The following MRPL36 variants were observed in gnomAD, a reference collection of about 807,000 sequenced individuals.
The protein encoded by MRPL36 is large ribosomal subunit protein bL36m.
In MRPL36, 1 loss-of-function variant was observed where a neutral mutation model predicts 2.8. That is an observed-to-expected ratio of 0.36 (90% CI 0.13 to 1.69). The LOEUF is 1.69. MRPL36 is among the 40% of genes most tolerant of loss of function. The pLI, the probability that MRPL36 is intolerant of heterozygous loss-of-function variation, is 0.35. For synonymous variants in MRPL36, 68 were observed against 54.8 expected (o/e 1.24, Z -1.06); for missense variants, 148 against 132.7 (o/e 1.12, Z -0.57).
chr5:1,798,552 C>G lies in MRPL36; in HGVS notation c.*72G>C, dbSNP rs944118019. The G allele has an allele frequency of 3.8e-5, 55 of 1,463,742 alleles. No homozygotes were observed. Among genetic ancestry groups the G allele is most frequent in the Non-Finnish European group, 4.7e-5 (50 of 1,073,890 alleles). 90.7% of individuals were successfully genotyped at this position (1,463,742 alleles called of 1,614,324 possible). A position where few individuals can be genotyped will look rare whatever the true frequency, so the allele number is the denominator to read the frequency against. ...CCCTGACTCCTTGATGTGATAATTC[C>G]TTCCATAAGATACAACCATTCTCCC... On this transcript the variant is annotated 3_prime_UTR_variant, in exon 2 of 2. Coordinates refer to ENST00000505059, the MANE Select transcript of MRPL36 (RefSeq NM_032479.4).
rs569167334 is a variant in MRPL36, at chr5:1,798,391, G to A, written c.*233C>T. The A allele has an allele frequency of 2.2e-6, 1 of 450,830 alleles. No individual in the cohort carries two copies. The highest frequency in any genetic ancestry group is 2.8e-5 in the South Asian group (1 of 35,832). The allele number at this position is 450,830 out of a possible 1,614,324, so 27.9% of individuals were successfully genotyped here. A position where few individuals can be genotyped will look rare whatever the true frequency, so the allele number is the denominator to read the frequency against. On this transcript the variant is annotated 3_prime_UTR_variant, in exon 2 of 2. Coordinates refer to ENST00000505059, the MANE Select transcript of MRPL36 (RefSeq NM_032479.4). ...GAGAATGAATGAACTAAGCTATTCG[G>A]AAGGTCTATTTTAATAGGAAAATGT...
At chr5:1,801,428 C>T (rs773943416), upstream of MRPL36, 1 of 1,605,048 alleles carries the variant, frequency 6.2e-7, no homozygotes, top group Non-Finnish European at 8.5e-7. Flanking sequence ...ATGGCGGCGG[C>T]GATGACCTTC....
upstream of MRPL36, chr5:1,801,233 G>A (rs1734027076): frequency 1.2e-6 from 1 of 844,350 alleles, no homozygotes; most frequent in Non-Finnish European, 1.8e-6. Flanking sequence ...TTTTTAGCGA[G>A]ATACCTGGGA....
Position 1,798,756 on chromosome 5 carries a change from C to A in MRPL36, c.180G>T (p.Leu60=). 6.2e-7 allele frequency: 1 copy of A among 1,614,058 alleles called. No homozygotes were observed. The highest frequency in any genetic ancestry group is 8.5e-7 in the Non-Finnish European group (1 of 1,179,986). ...SLLSPGLLPH[L]LPALGFKNKT... is the part of the protein sequence containing the mutation. Reference sequence around the variant, plus strand: ...TGTTTTTGAACCCCAGCGCAGGCAGCAGATGGGGCAGGAGGCCGGGTGAGA... The same window carrying A: ...TGTTTTTGAACCCCAGCGCAGGCAGAAGATGGGGCAGGAGGCCGGGTGAGA... The change falls in exon 2 of 2, where the codon CTG becomes CTT. Residue 60 remains leucine (L), a synonymous_variant. Transcript: ENST00000505059.
At chr5:1,799,022 G>C (rs1733939450) in intron 1 of MRPL36, 75 bp from the exon 2 acceptor site, 3 of 1,245,092 alleles carry the variant, frequency 2.4e-6, no homozygotes, top group Non-Finnish European at 3.4e-6. Context: ...CCTTTTCTCT[G>C]TTTCACTGAG....
At chr5:1,799,493 C>T (rs1258792796) in intron 1 of MRPL36, 1 of 152,264 alleles carries the variant, frequency 6.6e-6, no homozygotes, top group Non-Finnish European at 1.5e-5. Flanking sequence ...GCCCGGAGGA[C>T]ACTGCGGCAC....
rs775956445 is a variant in MRPL36, at chr5:1,798,766, A to T, written c.170T>A (p.Leu57Gln). 4 of 1,614,050 alleles carry T rather than the reference A, an allele frequency of 2.5e-6. No homozygotes were observed. The East Asian group carries it at 8.9e-5, about 36-fold the overall frequency. The change falls in exon 2 of 2, where the codon CTG (leucine) becomes CAG (glutamine). Residue 57 changes from leucine (L) to glutamine (Q), a missense_variant. Coordinates refer to ENST00000505059, the MANE Select transcript of MRPL36 (RefSeq NM_032479.4). Reference protein sequence around the residue: ...AVRSLLSPGLLPHLLPALGFK... With the variant: ...AVRSLLSPGLQPHLLPALGFK... ...CCCCAGCGCAGGCAGCAGATGGGGCAGGAGGCCGGGTGAGAGAAGTGAGCG... is the reference window on the plus strand; with the variant it reads ...CCCCAGCGCAGGCAGCAGATGGGGCTGGAGGCCGGGTGAGAGAAGTGAGCG...
At chr5:1,799,196 G>T in intron 1 of MRPL36, 1 of 423,064 alleles carries the variant, frequency 2.4e-6, no homozygotes, top group South Asian at 4.0e-5. Flanking sequence ...GTAGGTGAGT[G>T]TGCAAAGCCC....
upstream of MRPL36, among the ~76,000 whole-genome samples, chr5:1,800,123 G>A (rs1461932810): frequency 6.6e-6 from 1 of 152,226 alleles, no homozygotes; most frequent in Non-Finnish European, 1.5e-5. Flanking sequence ...AAATACCAAT[G>A]TCAAAACAAA....
rs143165730 is a variant in MRPL36, at chr5:1,798,888, G to A, written c.48C>T (p.Leu16=). 106 of 1,609,892 alleles carry A rather than the reference G, an allele frequency of 6.6e-5. No individual in the cohort carries two copies. The African/African-American group carries it at 1.3e-3, about 19-fold the overall frequency. The change falls in exon 2 of 2, where the codon CTC becomes CTT. Residue 16 remains leucine (L), a synonymous_variant. Transcript: ENST00000505059. The part of the protein sequence containing the change: ...IRKMVNPLLY[L]SRHTVKPRAL... ...CTCGAGGCTTCACCGTGTGACGACT[G>A]AGATAGAGCAGAGGGTTCACCATTT...
In MRPL36 at chr5:1,798,701, A is replaced by G; in HGVS notation, c.235T>C (p.Cys79Arg). ...CGACCCCGCCTCTTCACCAGGTAACAGTCCTTGCAGCGCTTCTTAAGGACA... is the reference window on the plus strand; with the variant it reads ...CGACCCCGCCTCTTCACCAGGTAACGGTCCTTGCAGCGCTTCTTAAGGACA... Reference protein sequence around the residue: ...KTVLKKRCKDCYLVKRRGRWY... With the variant: ...KTVLKKRCKDRYLVKRRGRWY... The change falls in exon 2 of 2, where the codon TGT becomes CGT. Residue 79 changes from cysteine to arginine, a missense_variant. Cys to Arg is a radical substitution (Grantham distance 180, BLOSUM62 -3). Transcript: ENST00000505059. 5 of 1,613,890 alleles carry G rather than the reference A, an allele frequency of 3.1e-6. No homozygotes were observed. The highest frequency in any genetic ancestry group is 4.2e-6 in the Non-Finnish European group (5 of 1,179,844).
intron 1 of MRPL36, 59 bp from the exon 2 acceptor site, chr5:1,799,006 AG>A: frequency 2.2e-6 from 3 of 1,363,648 alleles, no homozygotes; most frequent in Non-Finnish European, 3.0e-6. Flanking sequence ...CTGCTCTTTA[AG>A]GCTTCCTTTT....
At chr5:1,800,918 A>G (rs1264347696), upstream of MRPL36, among the ~76,000 whole-genome samples, 2 of 152,230 alleles carry the variant, frequency 1.3e-5, no homozygotes, top group Non-Finnish European at 2.9e-5. Flanking sequence ...TCGTCTGCTA[A>G]GCAGTTGACT....
Position 1,798,800 on chromosome 5 carries a change from C to T in MRPL36, c.136G>A (p.Ala46Thr), listed in dbSNP as rs376405745. 1.2e-5 allele frequency: 19 copies of T among 1,614,118 alleles called. No individual in the cohort carries two copies. The East Asian group carries it at 2.2e-4, about 19-fold the overall frequency. The change falls in exon 2 of 2, where the codon GCA (alanine) becomes ACA (threonine). Residue 46 changes from alanine (A) to threonine (T), a missense_variant. Ala to Thr is a moderately conservative substitution (Grantham distance 58). Transcript: ENST00000505059. ...GAAPVAVEPGAAVRSLLSPGL... is the reference protein window; with the variant it reads ...GAAPVAVEPGTAVRSLLSPGL... The stretch of plus-strand genomic sequence containing the variant: ...GGTGAGAGAAGTGAGCGCACTGCTG[C>T]CCCGGGTTCCACAGCCACGGGGGCT...
At chr5:1,801,352 A>G (rs550707352), upstream of MRPL36, 6 of 1,569,880 alleles carry the variant, frequency 3.8e-6, no homozygotes, top group South Asian at 2.3e-5. Flanking sequence ...TGGCGCCGCC[A>G]GAAGCCGTGC....
chr5:1,798,749 C>T lies in MRPL36; in HGVS notation c.187G>A (p.Ala63Thr). ...ACAGTCTTGTTTTTGAACCCCAGCG[C>T]AGGCAGCAGATGGGGCAGGAGGCCG... ...SPGLLPHLLP[A>T]LGFKNKTVLK... The change falls in exon 2 of 2, where the codon GCG (alanine) becomes ACG (threonine). Residue 63 changes from alanine (A) to threonine (T), a missense_variant. By Grantham distance (58) the Ala-to-Thr change is moderately conservative. Coordinates refer to ENST00000505059, the MANE Select transcript of MRPL36 (RefSeq NM_032479.4). The T allele has an allele frequency of 1.2e-6, 2 of 1,613,990 alleles. No homozygotes were observed. The highest frequency in any genetic ancestry group is 1.1e-5 in the South Asian group (1 of 91,072).
chr5:1,798,782 G>C lies in MRPL36; in HGVS notation c.154C>G (p.Leu52Val). The C allele has an allele frequency of 2.5e-6, 4 of 1,614,086 alleles. No homozygotes were observed. The highest frequency in any genetic ancestry group is 3.4e-6 in the Non-Finnish European group (4 of 1,180,002). The part of the protein sequence containing the change: ...VEPGAAVRSL[L>V]SPGLLPHLLP... ...AGATGGGGCAGGAGGCCGGGTGAGA[G>C]AAGTGAGCGCACTGCTGCCCCGGGT... Residue 52 changes from leucine to valine, a missense_variant, in exon 2 of 2, where the codon CTC (leucine) becomes GTC (valine). Physicochemically the swap from Leu to Val is conservative, Grantham distance 32 (BLOSUM62 1). Coordinates refer to ENST00000505059, the MANE Select transcript of MRPL36 (RefSeq NM_032479.4).
In MRPL36 at chr5:1,798,580, G is replaced by C; in HGVS notation, c.*44C>G. The stretch of plus-strand genomic sequence containing the variant: ...CCATAAGATACAACCATTCTCCCAA[G>C]TGATGCGATGACGAGTATGTGCGTG... On this transcript the variant is annotated 3_prime_UTR_variant, in exon 2 of 2. Transcript: ENST00000505059. 1 of 1,546,822 alleles carries C rather than the reference G, an allele frequency of 6.5e-7. No individual in the cohort carries two copies. Among genetic ancestry groups the C allele is most frequent in the Non-Finnish European group, 8.8e-7 (1 of 1,132,812 alleles).
At chr5:1,799,171 C>G in intron 1 of MRPL36, 1 of 473,732 alleles carries the variant, frequency 2.1e-6, no homozygotes. Context: ...CTTCCCTTTC[C>G]CGCCTGCTGC....
Sources: allele counts gnomAD v4.1 joint callset (sites outside exome capture counted in the v4.1 genomes callset), GRCh38; gene constraint gnomAD v4.1.1; transcripts MANE v1.5; gene names NCBI Gene and HGNC (gene_info 2026-07-23, HGNC 2026-07-21).